Variants in RMND1 observed in about 807,000 individuals in gnomAD.
The protein encoded by RMND1 is required for meiotic nuclear division protein 1 homolog.
In RMND1, 41 loss-of-function variants were observed where a neutral mutation model predicts 54.0. The ratio of observed to expected loss-of-function variants is 0.76; its 90% confidence interval spans 0.59 to 0.98. The LOEUF (loss-of-function observed/expected upper bound fraction) is 0.98. Ranked by LOEUF, RMND1 falls within the 50% of genes least tolerant of loss-of-function variation. The probability of loss-of-function intolerance (pLI) is 0.00; values close to 1 mark genes in which losing one functional copy is unlikely to be tolerated. For synonymous variants in RMND1, 183 were observed against 181.7 expected (o/e 1.01, Z -0.06); for missense variants, 457 against 532.0 (o/e 0.86, Z 1.39).
chr6:151,444,228 T>C (rs1267784963), intron 2 of RMND1, among the ~76,000 whole-genome samples: 1 of 152,224 alleles, frequency 6.6e-6, no homozygotes, highest in African/African-American at 2.4e-5. Context: ...GGAGCTGCCA[T>C]GAATTCAGGT....
chr6:151,429,123 CTT>C (rs528642361), intron 5 of RMND1, among the ~76,000 whole-genome samples: 15 of 139,904 alleles, frequency 1.1e-4, no homozygotes, highest in Non-Finnish European at 1.1e-4. Context: ...TTGTAACCCG[CTT>C]TTTTTTTTTT....
intron 1 of RMND1, among the ~76,000 whole-genome samples, chr6:151,447,427 T>C (rs934744049): frequency 2.6e-5 from 4 of 152,130 alleles, no homozygotes; most frequent in African/African-American, 7.2e-5. Flanking sequence ...CTCATAATGA[T>C]CCCATTTCAC....
chr6:151,413,092 C>T (rs1262169809), intron 10 of RMND1, among the ~76,000 whole-genome samples: 1 of 152,148 alleles, frequency 6.6e-6, no homozygotes, highest in African/African-American at 2.4e-5. Context: ...AGGCCTCAAT[C>T]TAATAGCCTG....
chr6:151,415,385 G>GT (rs1696213294), intron 10 of RMND1, among the ~76,000 whole-genome samples: 1 of 151,448 alleles, frequency 6.6e-6, no homozygotes, highest in South Asian at 2.1e-4. Context: ...AGTTATATAC[G>GT]TAAGATGTAA....
At chr6:151,438,501 A>T (rs889888454) in intron 2 of RMND1, among the ~76,000 whole-genome samples, 1 of 152,196 alleles carries the variant, frequency 6.6e-6, no homozygotes, top group Non-Finnish European at 1.5e-5. Context: ...CTTTTGCTAG[A>T]ATCGGAGTTG....
At chr6:151,406,842 T>TA (rs1779642585) in intron 10 of RMND1, among the ~76,000 whole-genome samples, 1 of 152,044 alleles carries the variant, frequency 6.6e-6, no homozygotes, top group Admixed American at 6.6e-5. Flanking sequence ...TGCACCATGT[T>TA]ACGATTTTTG....
intron 2 of RMND1, 66 bp downstream of exon 2, chr6:151,445,241 CA>C: frequency 3.3e-6 from 5 of 1,510,314 alleles, no homozygotes; most frequent in Non-Finnish European, 4.4e-6. Flanking sequence ...GGCTGGGGTG[CA>C]ACGCACACTG....
intron 11 of RMND1, 139 bp from the exon 12 acceptor site, chr6:151,405,406 AT>A (rs751668140): frequency 2.6e-6 from 2 of 757,190 alleles, no homozygotes; most frequent in Non-Finnish European, 4.4e-6. Flanking sequence ...CAACCTATGA[AT>A]TGGAGGTACG....
chr6:151,426,777 C>CT (rs986291934), intron 6 of RMND1, among the ~76,000 whole-genome samples: 2 of 150,724 alleles, frequency 1.3e-5, no homozygotes, highest in African/African-American at 2.4e-5. Context: ...TCTTTTTCCT[C>CT]TTTTTTTTTG....
intron 5 of RMND1, among the ~76,000 whole-genome samples, chr6:151,428,699 C>G (rs927649514): frequency 1.3e-5 from 2 of 152,098 alleles, no homozygotes; most frequent in South Asian, 4.1e-4. Context: ...ACCTGGCTAA[C>G]TTCTAAAAAC....
rs142464998 is a variant in RMND1, at chr6:151,431,192, C to G, written c.690-1015G>C. 4.9e-3 allele frequency among the ~76,000 whole-genome samples: 747 copies of G among 152,098 alleles called. 5 individuals are homozygous for G. The highest frequency in any genetic ancestry group is 0.017 in the African/African-American group (708 of 41,496). ...ACACAGGCTCAGAGAGGAGGTGGGA[C>G]GGAGCAGAGCAGCATCTCAGAATAA... On this transcript the variant is annotated intron_variant, in intron 4 of 11. Transcript: ENST00000444024.
Position 151,449,660 on chromosome 6 carries a change from CA to C in RMND1, c.-15+2355del, listed in dbSNP as rs548493492. On this transcript the variant is annotated intron_variant, in intron 1 of 11. Coordinates refer to ENST00000444024, the MANE Select transcript of RMND1 (RefSeq NM_017909.4). Reference sequence around the variant, plus strand: ...TCCCTCTCCCTCCTCTCCCTCTCCCCACGGTCCCCCTCTCCCCACGGTCTCC... The same window carrying C: ...TCCCTCTCCCTCCTCTCCCTCTCCCCCGGTCCCCCTCTCCCCACGGTCTCC... Among the ~76,000 whole-genome samples the C allele has an allele frequency of 9.8e-3, 1,482 of 151,528 alleles. 29 individuals carry two copies. The highest frequency in any genetic ancestry group is 0.034 in the African/African-American group (1,404 of 41,420).
intron 8 of RMND1, among the ~76,000 whole-genome samples, chr6:151,421,963 T>A (rs1251290615): frequency 6.7e-6 from 1 of 149,366 alleles, no homozygotes; most frequent in Non-Finnish European, 1.5e-5. Flanking sequence ...ATATTAATAT[T>A]AAAAAAAAAA....
chr6:151,438,468 A>T (rs1421704466), intron 2 of RMND1, among the ~76,000 whole-genome samples: 1 of 152,240 alleles, frequency 6.6e-6, no homozygotes, highest in African/African-American at 2.4e-5. Context: ...CTGTAGCTGT[A>T]CTGAAAATGG....
rs1780935707 is a variant in RMND1, at chr6:151,445,697, T to C, written c.115A>G (p.Thr39Ala). 1.2e-6 allele frequency: 2 copies of C among 1,614,094 alleles called. No homozygotes were observed. The highest frequency in any genetic ancestry group is 2.7e-5 in the African/African-American group (2 of 74,938). ...MLKPLKEFEN[T>A]TCSTLTIRQS... Reference sequence around the variant, plus strand: ...CGTATTGTCAGTGTGCTGCATGTTGTATTTTCAAATTCCTTAAGTGGTTTT... The same window carrying C: ...CGTATTGTCAGTGTGCTGCATGTTGCATTTTCAAATTCCTTAAGTGGTTTT... Residue 39 changes from threonine to alanine, a missense_variant, in exon 2 of 12, where the codon ACA becomes GCA. Physicochemically the swap from Thr to Ala is moderately conservative, Grantham distance 58. Coordinates refer to ENST00000444024, the MANE Select transcript of RMND1 (RefSeq NM_017909.4).
intron 1 of RMND1, among the ~76,000 whole-genome samples, chr6:151,446,244 G>A (rs1323281460): frequency 6.6e-6 from 1 of 152,022 alleles, no homozygotes; most frequent in African/African-American, 2.4e-5. Context: ...GCAACATGGT[G>A]AAACCTCATC....
chr6:151,421,326 T>C lies in RMND1; in HGVS notation c.1003-5A>G. On this transcript the variant is annotated splice_polypyrimidine_tract_variant and splice_region_variant and intron_variant, in intron 8 of 11. Coordinates refer to ENST00000444024, the MANE Select transcript of RMND1 (RefSeq NM_017909.4). ...TTTCTTCCCAGCTTTTAAAGCCTAG[T>C]TGAGAGGGAATCGGAAAAACCAAAA... 6.2e-7 allele frequency: 1 copy of C among 1,606,072 alleles called. No homozygotes were observed.
chr6:151,434,339 A>C (rs534106811), intron 3 of RMND1, among the ~76,000 whole-genome samples: 68 of 152,056 alleles, frequency 4.5e-4, no homozygotes, highest in Non-Finnish European at 8.7e-4. Context: ...TAAAATTAGG[A>C]TCCTCAAAGC....
At chr6:151,414,588 C>T (rs998115319) in intron 10 of RMND1, among the ~76,000 whole-genome samples, 1 of 151,782 alleles carries the variant, frequency 6.6e-6, no homozygotes, top group African/African-American at 2.4e-5. Context: ...GAAGTCTCTG[C>T]AAAGAAACAG....
Sources: gnomAD v4.1 joint callset for allele counts (sites outside exome capture counted in the v4.1 genomes callset) on GRCh38, gnomAD v4.1.1 for gene constraint, MANE v1.5 for transcripts, NCBI Gene and HGNC (gene_info 2026-07-23, HGNC 2026-07-21) for gene names.